CDS1: variants seen among roughly 807,000 people sequenced by gnomAD.
CDS1 encodes phosphatidate cytidylyltransferase 1.
In CDS1, 41 loss-of-function variants were observed where a neutral mutation model predicts 62.1. The observed-to-expected ratio is 0.66, with a 90% CI of 0.51 to 0.86. The LOEUF (loss-of-function observed/expected upper bound fraction) is 0.86, where lower values mean the gene tolerates loss of function less well. CDS1 is among the 40% of genes least tolerant of loss of function. The pLI is 0.00. For synonymous variants in CDS1, 185 were observed against 192.6 expected (o/e 0.96, Z 0.32); for missense variants, 470 against 550.1 (o/e 0.85, Z 1.46).
chr4:84,596,510 C>G (rs1722756451), intron 1 of CDS1, among the ~76,000 whole-genome samples: 1 of 152,186 alleles, frequency 6.6e-6, no homozygotes, highest in South Asian at 2.1e-4. Context: ...CTTCTGTCAT[C>G]TCTTCTCTGA....
intron 1 of CDS1, among the ~76,000 whole-genome samples, chr4:84,593,407 A>T (rs932940282): frequency 6.6e-6 from 1 of 152,118 alleles, no homozygotes; most frequent in Non-Finnish European, 1.5e-5. Context: ...CAAATGTATG[A>T]TTATTTGAGC....
At chr4:84,618,349 T>C (rs1056217748) in intron 4 of CDS1, among the ~76,000 whole-genome samples, 1 of 152,180 alleles carries the variant, frequency 6.6e-6, no homozygotes, top group Non-Finnish European at 1.5e-5. Flanking sequence ...AGCAGGTTTC[T>C]TCACGAGTGG....
chr4:84,641,229 G>A (rs994365689), intron 10 of CDS1, among the ~76,000 whole-genome samples: 1 of 151,988 alleles, frequency 6.6e-6, no homozygotes, highest in African/African-American at 2.4e-5. Context: ...ACCACATCTC[G>A]CTAAATTTTG....
chr4:84,635,714 C>T lies in CDS1; in HGVS notation c.810+363C>T, dbSNP rs1288367482. Among the ~76,000 whole-genome samples, 9 of 135,960 alleles carry T rather than the reference C, an allele frequency of 6.6e-5. 1 individual carries two copies. The highest frequency in any genetic ancestry group is 2.5e-4 in the African/African-American group (9 of 36,690). 89.2% of individuals were successfully genotyped at this position (135,960 alleles called of 152,430 possible). A position where few individuals can be genotyped will look rare whatever the true frequency, so the allele number is the denominator to read the frequency against. ...TCCCTCCTTCCCTCCCTCCCTCCCT[C>T]CCTCCCTTTTCATCTTCATTTTATC... On this transcript the variant is annotated intron_variant, in intron 8 of 12. Transcript: ENST00000295887.
At chr4:84,647,521 T>C (rs1238474657) in intron 12 of CDS1, among the ~76,000 whole-genome samples, 1 of 152,212 alleles carries the variant, frequency 6.6e-6, no homozygotes, top group African/African-American at 2.4e-5. Context: ...TGCATTTAGC[T>C]GAACTTGCTA....
At chr4:84,635,086 A>G (rs1023636589) in intron 7 of CDS1, among the ~76,000 whole-genome samples, 178 bp from the exon 8 acceptor site, 1 of 152,036 alleles carries the variant, frequency 6.6e-6, no homozygotes, top group Non-Finnish European at 1.5e-5. Context: ...TAAGTGGGCA[A>G]ATTTGGTTGA....
At chr4:84,629,305 T>C (rs1032601990) in intron 5 of CDS1, among the ~76,000 whole-genome samples, 1 of 151,686 alleles carries the variant, frequency 6.6e-6, no homozygotes, top group African/African-American at 2.4e-5. Flanking sequence ...CCCTCCTATA[T>C]CCATGGGTTT....
intron 2 of CDS1, among the ~76,000 whole-genome samples, chr4:84,607,622 A>G (rs1420491546): frequency 6.6e-6 from 1 of 151,756 alleles, no homozygotes; most frequent in Non-Finnish European, 1.5e-5. Flanking sequence ...AGGGCTGGAC[A>G]TGGTGGCTCA....
At chr4:84,632,730 A>G (rs1724062197) in intron 6 of CDS1, among the ~76,000 whole-genome samples, 1 of 152,208 alleles carries the variant, frequency 6.6e-6, no homozygotes, top group African/African-American at 2.4e-5. Context: ...TTAAGCAATC[A>G]GAGTAAAAGA....
chr4:84,636,132 T>C (rs1000967545), intron 8 of CDS1, among the ~76,000 whole-genome samples: 1 of 152,096 alleles, frequency 6.6e-6, no homozygotes, highest in African/African-American at 2.4e-5. Context: ...CACAAGCCTT[T>C]TCCTTGACTC....
At chr4:84,592,150 A>C in intron 1 of CDS1, among the ~76,000 whole-genome samples, 2 of 141,116 alleles carry the variant, frequency 1.4e-5, no homozygotes, top group Non-Finnish European at 3.0e-5. Context: ...TTCATTAATG[A>C]CCAATTTTTT....
intron 1 of CDS1, among the ~76,000 whole-genome samples, chr4:84,586,818 G>A (rs1437602451): frequency 6.6e-6 from 1 of 152,172 alleles, no homozygotes; most frequent in East Asian, 1.9e-4. Flanking sequence ...GGTAGTTATT[G>A]TTATAAAGTG....
intron 2 of CDS1, among the ~76,000 whole-genome samples, chr4:84,605,173 T>A (rs181240411): frequency 6.6e-6 from 1 of 152,314 alleles, no homozygotes; most frequent in East Asian, 1.9e-4. Context: ...CCCAACTTTT[T>A]GACACTATGA....
chr4:84,604,443 A>T, intron 2 of CDS1, 73 bp downstream of exon 2: 1 of 1,524,524 alleles, frequency 6.6e-7, no homozygotes. Context: ...CCATGTAATA[A>T]ATTTGGCTTT....
chr4:84,619,394 G>T lies in CDS1; in HGVS notation c.441G>T (p.Trp147Cys). The change falls in exon 5 of 13, where the codon TGG (tryptophan) becomes TGT (cysteine). Residue 147 changes from tryptophan (W) to cysteine (C), a missense_variant and splice_region_variant. Physicochemically the swap from Trp to Cys is radical, Grantham distance 215. This residue lies in a region of CDS1 where 34 missense variants were observed against 64.8 expected (regional missense o/e 0.52). Transcript: ENST00000295887. ...YDLPWFRTLS[W>C]YFLLCVNYFF... ...AAAGCTAATTGTTTTTAAATTATAG[G>T]TACTTTCTATTGTGTGTAAACTACT... The T allele has an allele frequency of 6.9e-7, 1 of 1,455,166 alleles. No homozygotes were observed. The highest frequency in any genetic ancestry group is 9.3e-7 in the Non-Finnish European group (1 of 1,074,102). The allele number at this position is 1,455,166 out of a possible 1,614,324, so 90.1% of individuals were successfully genotyped here.
chr4:84,595,312 C>G (rs73831537), intron 1 of CDS1, among the ~76,000 whole-genome samples: 4,176 of 152,196 alleles, frequency 0.027, 192 homozygotes, highest in African/African-American at 0.096. Context: ...AACTCAGTTT[C>G]CGAAGTTTCT....
rs183556372 is a variant in CDS1, at chr4:84,640,181, A to G, written c.880-657A>G. Among the ~76,000 whole-genome samples the G allele has an allele frequency of 4.0e-5, 6 of 148,248 alleles. No homozygotes were observed. The Admixed American group carries it at 4.1e-4, about 10-fold the overall frequency. Reference sequence around the variant, plus strand: ...AATATATATAATATATATTTTATATATATAAAATAAACTGGTTGTTTGGAA... The same window carrying G: ...AATATATATAATATATATTTTATATGTATAAAATAAACTGGTTGTTTGGAA... On this transcript the variant is annotated intron_variant, in intron 9 of 12. Coordinates refer to ENST00000295887, the MANE Select transcript of CDS1 (RefSeq NM_001263.4).
chr4:84,623,183 A>G (rs970225514), intron 5 of CDS1, among the ~76,000 whole-genome samples: 4 of 152,178 alleles, frequency 2.6e-5, no homozygotes, highest in African/African-American at 9.7e-5. Flanking sequence ...AGCTGTCCTC[A>G]TGATTTGAGC....
At chr4:84,613,923 G>A (rs114181164) in intron 3 of CDS1, among the ~76,000 whole-genome samples, 162 of 152,078 alleles carry the variant, frequency 1.1e-3, no homozygotes, top group African/African-American at 3.6e-3. Flanking sequence ...AGTTGTATAC[G>A]TGTGATCAAA....
Sources: allele counts gnomAD v4.1 joint callset (sites outside exome capture counted in the v4.1 genomes callset), GRCh38; gene constraint gnomAD v4.1.1; regional missense constraint gnomAD v4.1.1; transcripts MANE v1.5; gene names NCBI Gene and HGNC (gene_info 2026-07-23, HGNC 2026-07-21).